Variants in NUP133 observed in about 807,000 individuals in gnomAD.
NUP133 encodes nuclear pore complex protein Nup133.
Under a neutral mutation model 146.2 loss-of-function variants are expected in NUP133, and 66 were observed. That is an observed-to-expected ratio of 0.45 (90% confidence interval 0.37 to 0.55). The LOEUF (loss-of-function observed/expected upper bound fraction) is 0.55. Among genes scored for constraint, NUP133 ranks in the 20% least tolerant of loss-of-function variants. The pLI is 0.00. For synonymous variants in NUP133, 521 were observed against 498.8 expected (o/e 1.04, Z -0.59); for missense variants, 1,277 against 1,374.8 (o/e 0.93, Z 1.12).
In NUP133 at chr1:229,508,315, G is replaced by A. The variant is rs1304410343; in HGVS notation, c.-66C>T. ...CGTCAGGTTGCAGCCTGGCCTGCGC[G>A]CGGAACTTAAACACCTAAGGGAAGA... On this transcript the variant is annotated 5_prime_UTR_variant, in exon 1 of 26. Transcript: ENST00000261396. The A allele has an allele frequency of 6.4e-6, 8 of 1,256,972 alleles. No homozygotes were observed. The highest frequency in any genetic ancestry group is 8.4e-6 in the Non-Finnish European group (8 of 957,114). 77.9% of individuals were successfully genotyped at this position (1,256,972 alleles called of 1,614,324 possible).
intron 15 of NUP133, among the ~76,000 whole-genome samples, chr1:229,468,146 C>A (rs1281615433): frequency 6.6e-6 from 1 of 152,040 alleles, no homozygotes; most frequent in East Asian, 1.9e-4. Flanking sequence ...GAGACAGAGT[C>A]AAAGTGGAGA....
Position 229,445,017 on chromosome 1 carries a change from C to T in NUP133, c.3246-15G>A, listed in dbSNP as rs1292206042. 2 of 1,563,928 alleles carry T rather than the reference C, an allele frequency of 1.3e-6. No homozygotes were observed. Among genetic ancestry groups the T allele is most frequent in the Non-Finnish European group, 1.8e-6 (2 of 1,138,812 alleles). ...AACTGGACCAGCTAGAAAACAAAATCATTATGAGGGAAAAATGAAATCACT... is the reference window on the plus strand; with the variant it reads ...AACTGGACCAGCTAGAAAACAAAATTATTATGAGGGAAAAATGAAATCACT... On this transcript the variant is annotated splice_polypyrimidine_tract_variant and intron_variant, in intron 24 of 25. Coordinates refer to ENST00000261396, the MANE Select transcript of NUP133 (RefSeq NM_018230.3).
intron 19 of NUP133, 82 bp downstream of exon 19, chr1:229,463,460 CT>C: frequency 7.1e-7 from 1 of 1,415,104 alleles, no homozygotes; most frequent in Non-Finnish European, 9.6e-7. Flanking sequence ...TCCAAAAGCC[CT>C]GATTACAGAT....
At chr1:229,493,539 G>C (rs1467435472) in intron 8 of NUP133, among the ~76,000 whole-genome samples, 1 of 152,164 alleles carries the variant, frequency 6.6e-6, no homozygotes, top group East Asian at 1.9e-4. Context: ...AAATCAGTAG[G>C]TGTGAATGAC....
At chr1:229,495,375 A>G in intron 8 of NUP133, 120 bp downstream of exon 8, 1 of 695,144 alleles carries the variant, frequency 1.4e-6, no homozygotes, top group Non-Finnish European at 2.5e-6. Flanking sequence ...CGGGTGATAG[A>G]GTGAGACCCT....
At chr1:229,465,568 A>G in intron 16 of NUP133, 49 bp from the exon 17 acceptor site, 3 of 1,321,614 alleles carry the variant, frequency 2.3e-6, no homozygotes, top group Non-Finnish European at 3.3e-6. Flanking sequence ...GATGGATCAC[A>G]GTATTTCTGA....
In NUP133 at chr1:229,441,584, G is replaced by A; in HGVS notation, c.*320C>T. Reference sequence around the variant, plus strand: ...AATTTTCATAGTCGCAGAAACTGAGGCCTAGAAGTGATTTGTACATGTGAG... The same window carrying A: ...AATTTTCATAGTCGCAGAAACTGAGACCTAGAAGTGATTTGTACATGTGAG... On this transcript the variant is annotated 3_prime_UTR_variant, in exon 26 of 26. Coordinates refer to ENST00000261396, the MANE Select transcript of NUP133 (RefSeq NM_018230.3). 1 of 422,136 alleles carries A rather than the reference G, an allele frequency of 2.4e-6. No homozygotes were observed. Among genetic ancestry groups the A allele is most frequent in the Non-Finnish European group, 4.7e-6 (1 of 210,912 alleles). The allele number at this position is 422,136 out of a possible 1,614,324, so 26.1% of individuals were successfully genotyped here.
chr1:229,483,535 T>C (rs1217557826), intron 12 of NUP133, among the ~76,000 whole-genome samples: 1 of 151,868 alleles, frequency 6.6e-6, no homozygotes, highest in Non-Finnish European at 1.5e-5. Context: ...TGAAACTCCA[T>C]CTCTACTAAA....
intron 19 of NUP133, among the ~76,000 whole-genome samples, 165 bp downstream of exon 19, chr1:229,463,378 A>C (rs1214036376): frequency 6.6e-6 from 1 of 152,136 alleles, no homozygotes; most frequent in African/African-American, 2.4e-5. Flanking sequence ...ACTGGACAAA[A>C]TTTACAAAGA....
intron 14 of NUP133, among the ~76,000 whole-genome samples, chr1:229,472,816 C>G (rs966985669): frequency 6.6e-6 from 1 of 151,408 alleles, no homozygotes; most frequent in African/African-American, 2.4e-5. Flanking sequence ...AACACAGAGG[C>G]TTCCCTCAAC....
chr1:229,498,997 C>CA (rs781414234), intron 5 of NUP133, among the ~76,000 whole-genome samples: 1 of 152,144 alleles, frequency 6.6e-6, no homozygotes, highest in Non-Finnish European at 1.5e-5. Context: ...CTCCTGGGCT[C>CA]AAGAGATCCT....
intron 8 of NUP133, among the ~76,000 whole-genome samples, chr1:229,493,671 A>G (rs1385311171): frequency 6.6e-6 from 1 of 152,236 alleles, no homozygotes; most frequent in African/African-American, 2.4e-5. Context: ...AATTTTGAGT[A>G]AAGGTGGAGA....
chr1:229,488,809 T>C (rs1273015300), intron 9 of NUP133, among the ~76,000 whole-genome samples: 2 of 152,108 alleles, frequency 1.3e-5, no homozygotes, highest in East Asian at 1.9e-4. Flanking sequence ...TGAATATCAC[T>C]GCACTCCAGT....
Position 229,478,941 on chromosome 1 carries a change from C to A in NUP133, c.1593-1181G>T, listed in dbSNP as rs539086165. Among the ~76,000 whole-genome samples, 40 of 152,254 alleles carry A rather than the reference C, an allele frequency of 2.6e-4. No homozygotes were observed. In the South Asian group the frequency reaches 7.9e-3, roughly 30 times the overall value. ...GGAGGTTACTGCAGAAAGGAAAAGA[C>A]AGGAAAGAGAAAAATCCAGTTAGGT... On this transcript the variant is annotated intron_variant, in intron 12 of 25. Coordinates refer to ENST00000261396, the MANE Select transcript of NUP133 (RefSeq NM_018230.3).
Position 229,508,186 on chromosome 1 carries a change from C to T in NUP133, c.64G>A (p.Gly22Arg), listed in dbSNP as rs1277856204. 1.9e-6 allele frequency: 3 copies of T among 1,582,262 alleles called. No individual in the cohort carries two copies. The highest frequency in any genetic ancestry group is 2.6e-6 in the Non-Finnish European group (3 of 1,165,966). Residue 22 changes from glycine to arginine, a missense_variant, in exon 1 of 26, where the codon GGA (glycine) becomes AGA (arginine). This residue lies in a region of NUP133 where 319 missense variants were observed against 306.9 expected (regional missense o/e 1.04). Transcript: ENST00000261396. ...CGGGGCGTGGAGCCGGGCCCGAGTC[C>T]GGCCAGCGGGCCCCTTCGGGACCCG... Reference protein sequence around the residue: ...GTGSRRGPLAGLGPGSTPRTA... With the variant: ...GTGSRRGPLARLGPGSTPRTA...
chr1:229,464,512 G>C, intron 18 of NUP133, 112 bp downstream of exon 18: 1 of 1,315,654 alleles, frequency 7.6e-7, no homozygotes, highest in Non-Finnish European at 1.0e-6. Flanking sequence ...TTTGCTTTAA[G>C]TTCTTTATTA....
At position 229,470,657 on chromosome 1, in the gene NUP133, C is replaced by T. The variant is rs569731659; in HGVS notation, c.1999G>A (p.Ala667Thr). ...CTCTTGTTCAAAGCAATCAATATGG[C>T]TGTGTTGACAAGGTCAGAAAGCCGG... ...HSRLSDLVNT[A>T]ILIALNKREY... Residue 667 changes from alanine (A) to threonine (T), a missense_variant, in exon 15 of 26, where the codon GCC becomes ACC. This residue lies in a region of NUP133 where 952 missense variants were observed against 1,047.0 expected (regional missense o/e 0.91). Coordinates refer to ENST00000261396, the MANE Select transcript of NUP133 (RefSeq NM_018230.3). The T allele has an allele frequency of 4.2e-4, 681 of 1,614,154 alleles. 16 individuals are homozygous for T. In the South Asian group the frequency reaches 7.1e-3, roughly 17 times the overall value.
At chr1:229,490,898 C>T (rs572082358) in intron 8 of NUP133, among the ~76,000 whole-genome samples, 2 of 150,784 alleles carry the variant, frequency 1.3e-5, no homozygotes, top group South Asian at 4.2e-4. Flanking sequence ...TTGCAGTGAG[C>T]TGAGATCGCA....
intron 11 of NUP133, 97 bp downstream of exon 11, chr1:229,486,274 A>T: frequency 9.1e-7 from 1 of 1,101,090 alleles, no homozygotes; most frequent in Non-Finnish European, 1.3e-6. Context: ...ATGAACTACG[A>T]CTGTGCCACT....
Sources: allele counts gnomAD v4.1 joint callset (sites outside exome capture counted in the v4.1 genomes callset), GRCh38; gene constraint gnomAD v4.1.1; regional missense constraint gnomAD v4.1.1; transcripts MANE v1.5; gene names NCBI Gene and HGNC (gene_info 2026-07-23, HGNC 2026-07-21).